Variants in TFPI observed in about 807,000 individuals in gnomAD.
TFPI encodes the protein anti-convertin.
TFPI carries 15 observed loss-of-function variants against 34.6 expected under a neutral mutation model. The observed-to-expected ratio is 0.43, with a 90% CI of 0.29 to 0.67. The LOEUF is 0.67. Ranked by LOEUF, TFPI falls within the 30% of genes least tolerant of loss-of-function variation. The pLI, the probability that TFPI is intolerant of heterozygous loss-of-function variation, is 0.15. For synonymous variants in TFPI, 105 were observed against 120.1 expected, an observed-to-expected ratio of 0.87 and a Z score of 0.82; for missense variants, 301 against 364.0, an observed-to-expected ratio of 0.83 and a Z score of 1.41.
At chr2:187,473,108 G>A (rs961238975) in intron 6 of TFPI, among the ~76,000 whole-genome samples, 1 of 152,100 alleles carries the variant, frequency 6.6e-6, no homozygotes, top group Non-Finnish European at 1.5e-5. Context: ...AGAAAAACCT[G>A]CATGTTAGAA....
intron 6 of TFPI, 46 bp from the exon 7 acceptor site, chr2:187,467,978 T>G: frequency 6.8e-7 from 1 of 1,468,566 alleles, no homozygotes; most frequent in Non-Finnish European, 9.1e-7. Context: ...TGATAGTGGA[T>G]TTCAGGTTTT....
chr2:187,523,496 A>G (rs1687518885), intron 1 of TFPI, among the ~76,000 whole-genome samples: 1 of 152,090 alleles, frequency 6.6e-6, no homozygotes, highest in African/African-American at 2.4e-5. Context: ...AAACTCCTTC[A>G]GTGAGGTTGC....
chr2:187,492,804 C>A (rs1394714621), intron 3 of TFPI, among the ~76,000 whole-genome samples: 1 of 152,136 alleles, frequency 6.6e-6, no homozygotes, highest in Non-Finnish European at 1.5e-5. Flanking sequence ...AACTAACTTG[C>A]TTTTGATTTT....
chr2:187,478,641 A>T (rs377387629), intron 6 of TFPI: 20 of 1,606,898 alleles, frequency 1.2e-5, no homozygotes, highest in Admixed American at 1.7e-5. Flanking sequence ...TCACGTATAC[A>T]TATAAATATT....
chr2:187,505,654 A>G (rs1686160675), intron 1 of TFPI, among the ~76,000 whole-genome samples: 2 of 152,136 alleles, frequency 1.3e-5, no homozygotes, highest in South Asian at 4.1e-4. Context: ...ACTTCTCTTT[A>G]TGGTCCAGGC....
chr2:187,507,308 T>C (rs1356126490), intron 1 of TFPI, among the ~76,000 whole-genome samples: 3 of 152,216 alleles, frequency 2.0e-5, no homozygotes, highest in Non-Finnish European at 1.5e-5. Context: ...CAGTCTATCA[T>C]TGATAGGCAT....
rs1329071823 is a variant in TFPI at position 187,484,193 on chromosome 2, A to G, written c.559T>C (p.Tyr187His). Residue 187 changes from tyrosine to histidine, a missense_variant, in exon 6 of 8, where the codon TAT (tyrosine) becomes CAT (histidine). Tyr to His is a moderately conservative substitution (Grantham distance 83, BLOSUM62 2). Coordinates refer to ENST00000233156, the MANE Select transcript of TFPI (RefSeq NM_006287.6). ...DGPNGFQVDNYGTQLNAVNNS... is the reference protein window; with the variant it reads ...DGPNGFQVDNHGTQLNAVNNS... Reference sequence around the variant, plus strand: ...TTCACAGCATTGAGCTGGGTTCCATAATTATCCACCTGGAAACCATTCGCT... The same window carrying G: ...TTCACAGCATTGAGCTGGGTTCCATGATTATCCACCTGGAAACCATTCGCT... The G allele has an allele frequency of 1.9e-6, 3 of 1,611,956 alleles. No individual in the cohort carries two copies. In the Admixed American group the frequency reaches 5.0e-5, roughly 27 times the overall value.
At chr2:187,542,354 T>TG (rs1688624567) in intron 1 of TFPI, among the ~76,000 whole-genome samples, 1 of 151,588 alleles carries the variant, frequency 6.6e-6, no homozygotes, top group African/African-American at 2.4e-5. Context: ...TGTGTGTGTG[T>TG]TTTGCCAGGG....
At chr2:187,478,788 G>T (rs144664871) in intron 6 of TFPI, 142 of 1,613,002 alleles carry the variant, frequency 8.8e-5, no homozygotes, top group African/African-American at 8.3e-4. Context: ...ACCATCATTT[G>T]TTCCTTCTTT....
At chr2:187,482,862 A>C (rs1421676196) in intron 6 of TFPI, among the ~76,000 whole-genome samples, 2 of 151,966 alleles carry the variant, frequency 1.3e-5, no homozygotes, top group African/African-American at 2.4e-5. Flanking sequence ...AGAGAACTTA[A>C]TTCTCCTTTC....
At chr2:187,543,178 C>G (rs1688673268) in intron 1 of TFPI, among the ~76,000 whole-genome samples, 1 of 152,074 alleles carries the variant, frequency 6.6e-6, no homozygotes, top group African/African-American at 2.4e-5. Context: ...TAATATCACA[C>G]TTGGGAATTA....
intron 3 of TFPI, among the ~76,000 whole-genome samples, chr2:187,492,060 T>G (rs1238095098): frequency 6.6e-6 from 1 of 152,178 alleles, no homozygotes; most frequent in East Asian, 1.9e-4. Flanking sequence ...TATTTTCTTG[T>G]TGAATTGTTT....
chr2:187,476,641 C>T, intron 6 of TFPI, among the ~76,000 whole-genome samples: 1 of 152,210 alleles, frequency 6.6e-6, no homozygotes, highest in Non-Finnish European at 1.5e-5. Context: ...CACCCAGCCA[C>T]CATTTTGTAT....
At chr2:187,511,928 A>G (rs1686666939) in intron 1 of TFPI, among the ~76,000 whole-genome samples, 1 of 152,142 alleles carries the variant, frequency 6.6e-6, no homozygotes, top group African/African-American at 2.4e-5. Flanking sequence ...AGAGAGAGAG[A>G]GAGAGATATA....
chr2:187,517,008 G>T (rs919891530), intron 1 of TFPI: 11 of 152,174 alleles, frequency 7.2e-5, no homozygotes, highest in Admixed American at 1.3e-4. Flanking sequence ...GAAGTTCCAG[G>T]CTGAATAAAG....
intron 6 of TFPI, among the ~76,000 whole-genome samples, chr2:187,469,568 A>T (rs1483713378): frequency 6.6e-6 from 1 of 152,108 alleles, no homozygotes; most frequent in Non-Finnish European, 1.5e-5. Flanking sequence ...GCAGATTAAC[A>T]TACCCATCTT....
At chr2:187,552,090 A>T (rs182822005) in intron 1 of TFPI, among the ~76,000 whole-genome samples, 2,108 of 152,112 alleles carry the variant, frequency 0.014, 20 homozygotes, top group Middle Eastern at 0.027. Context: ...AGTCTAAGTA[A>T]TTTTCTTCAC....
intron 1 of TFPI, among the ~76,000 whole-genome samples, chr2:187,536,285 A>G (rs781491367): frequency 2.0e-5 from 3 of 152,230 alleles, no homozygotes; most frequent in Non-Finnish European, 2.9e-5. Flanking sequence ...ATGCACAAAA[A>G]GAAAAATTCA....
At chr2:187,486,270 A>G (rs1253587749) in intron 4 of TFPI, among the ~76,000 whole-genome samples, 3 of 151,668 alleles carry the variant, frequency 2.0e-5, no homozygotes, top group Non-Finnish European at 4.4e-5. Flanking sequence ...AGGTAAAAAT[A>G]CATTGAATTA....
Sources: gnomAD v4.1 joint callset for allele counts (sites outside exome capture counted in the v4.1 genomes callset) on GRCh38, gnomAD v4.1.1 for gene constraint, MANE v1.5 for transcripts, NCBI Gene and HGNC (gene_info 2026-07-23, HGNC 2026-07-21) for gene names.